DHX33: variants seen among roughly 807,000 people sequenced by gnomAD.
The protein encoded by DHX33 is DEAH-box helicase 33.
DHX33 carries 42 observed loss-of-function variants against 72.5 expected under a neutral mutation model. The ratio of observed to expected loss-of-function variants is 0.58; its 90% confidence interval spans 0.45 to 0.75. DHX33 has a LOEUF of 0.75. Among genes scored for constraint, DHX33 ranks in the 30% least tolerant of loss-of-function variants. DHX33 has a pLI of 0.00. For missense variants in DHX33, 842 were observed against 917.5 expected (o/e 0.92, Z 1.06); for synonymous variants, 358 against 366.1 (o/e 0.98, Z 0.25).
At chr17:5,452,634 C>T (rs148671383) in intron 8 of DHX33, among the ~76,000 whole-genome samples, 1,568 of 152,306 alleles carry the variant, frequency 0.01, 12 homozygotes, top group Middle Eastern at 0.054. Flanking sequence ...GGGAGAATCA[C>T]CTGAGCCCGG....
chr17:5,463,946 G>T (rs991030529), intron 1 of DHX33, among the ~76,000 whole-genome samples: 4 of 152,096 alleles, frequency 2.6e-5, no homozygotes, highest in Non-Finnish European at 5.9e-5. Flanking sequence ...AGGCCCAGGA[G>T]TTCAAGGTTA....
Position 5,441,155 on chromosome 17 carries a change from AGGCAGTTCCT to A in DHX33, c.*3040_*3049del, listed in dbSNP as rs71726215. 66,128 of 151,546 alleles carry A rather than the reference AGGCAGTTCCT, an allele frequency of 0.44. 16,030 individuals carry two copies. The highest frequency in any genetic ancestry group is 0.96 in the East Asian group (4,954 of 5,134). The allele number at this position is 151,546 out of a possible 1,614,324, so 9.4% of individuals were successfully genotyped here. On this transcript the variant is annotated 3_prime_UTR_variant, in exon 12 of 12. Coordinates refer to ENST00000225296, the MANE Select transcript of DHX33 (RefSeq NM_020162.4). The stretch of plus-strand genomic sequence containing the variant: ...AAAAAAAATGCATGGCCACAGTTCC[AGGCAGTTCCT>A]GGTAGCTGGATTTAGTGGATTTATA...
At chr17:5,445,128 G>C (rs1436325627) in intron 11 of DHX33, among the ~76,000 whole-genome samples, 1 of 151,486 alleles carries the variant, frequency 6.6e-6, no homozygotes, top group Admixed American at 6.6e-5. Flanking sequence ...ACCCAGGCTG[G>C]AGTGCAATGG....
At position 5,461,037 on chromosome 17, in the gene DHX33, G is replaced by C; in HGVS notation, c.751C>G (p.Leu251Val). Residue 251 changes from leucine (L) to valine (V), a missense_variant, in exon 4 of 12, where the codon CTA (leucine) becomes GTA (valine). Leu to Val is a conservative substitution (Grantham distance 32). Coordinates refer to ENST00000225296, the MANE Select transcript of DHX33 (RefSeq NM_020162.4). ...TGGATCGGATGCTGCCGACCCTCTA[G>C]GTAGAGGACGGGGGCGCCATTGAAA... ...QYFNGAPVLY[L>V]EGRQHPIQVF... is the part of the protein sequence containing the mutation. 1 of 1,613,648 alleles carries C rather than the reference G, an allele frequency of 6.2e-7. No homozygotes were observed. The highest frequency in any genetic ancestry group is 8.5e-7 in the Non-Finnish European group (1 of 1,179,788).
intron 4 of DHX33, among the ~76,000 whole-genome samples, chr17:5,457,182 C>T (rs1050078745): frequency 6.6e-6 from 1 of 152,174 alleles, no homozygotes; most frequent in Non-Finnish European, 1.5e-5. Flanking sequence ...GTGGCGCACG[C>T]CTGTAATCCC....
At chr17:5,458,155 C>T (rs916683636) in intron 4 of DHX33, among the ~76,000 whole-genome samples, 2 of 152,072 alleles carry the variant, frequency 1.3e-5, no homozygotes, top group African/African-American at 4.8e-5. Flanking sequence ...CCATGGGTCT[C>T]ACCACGGGAA....
chr17:5,460,328 A>G (rs893164500), intron 4 of DHX33, among the ~76,000 whole-genome samples: 1 of 151,672 alleles, frequency 6.6e-6, no homozygotes, highest in Non-Finnish European at 1.5e-5. Flanking sequence ...GTACTTCTTA[A>G]TGGCGGTTAT....
rs756047979 is a variant in DHX33 at position 5,455,168 on chromosome 17, T to C, written c.1139A>G (p.Tyr380Cys). The C allele has an allele frequency of 6.2e-7, 1 of 1,613,378 alleles. No homozygotes were observed. ...VDTGMVKAKK[Y>C]NPDSGLEVLA... Reference sequence around the variant, plus strand: ...GAACTACAAATTCTCACCAGGGTTATACTTCTTTGCTTTAACCATGCCCGT... The same window carrying C: ...GAACTACAAATTCTCACCAGGGTTACACTTCTTTGCTTTAACCATGCCCGT... Residue 380 changes from tyrosine to cysteine, a missense_variant, in exon 6 of 12, where the codon TAT becomes TGT. Tyr to Cys is a radical substitution (Grantham distance 194). Transcript: ENST00000225296.
At chr17:5,451,018 T>TA (rs1260349534) in intron 8 of DHX33, 84 bp from the exon 9 acceptor site, 8 of 1,520,102 alleles carry the variant, frequency 5.3e-6, no homozygotes, top group African/African-American at 2.8e-5. Context: ...GAGCTTCTGA[T>TA]AATTCTACAT....
At chr17:5,456,333 G>A in intron 4 of DHX33, 151 bp from the exon 5 acceptor site, 1 of 882,022 alleles carries the variant, frequency 1.1e-6, no homozygotes, top group Non-Finnish European at 1.7e-6. Context: ...AGCTTGGAGA[G>A]AACCCTTACC....
At chr17:5,459,157 C>T (rs1273565511) in intron 4 of DHX33, among the ~76,000 whole-genome samples, 1 of 152,076 alleles carries the variant, frequency 6.6e-6, no homozygotes, top group African/African-American at 2.4e-5. Flanking sequence ...TGTGATTATG[C>T]CACTGCACTC....
At position 5,461,079 on chromosome 17, in the gene DHX33, C is replaced by T. The variant is rs1352736705; in HGVS notation, c.709G>A (p.Asp237Asn). Reference protein sequence around the residue: ...VIVMSATMDVDLFSQYFNGAP... With the variant: ...VIVMSATMDVNLFSQYFNGAP... ...CCATTGAAATACTGAGAGAACAGGTCCACATCCATCGTAGCTGACATCACA... is the reference window on the plus strand; with the variant it reads ...CCATTGAAATACTGAGAGAACAGGTTCACATCCATCGTAGCTGACATCACA... Residue 237 changes from aspartate to asparagine, a missense_variant, in exon 4 of 12, where the codon GAC (aspartate) becomes AAC (asparagine). By Grantham distance (23) the Asp-to-Asn change is conservative. Coordinates refer to ENST00000225296, the MANE Select transcript of DHX33 (RefSeq NM_020162.4). 1 of 1,611,914 alleles carries T rather than the reference C, an allele frequency of 6.2e-7. No homozygotes were observed. Among genetic ancestry groups the T allele is most frequent in the African/African-American group, 1.3e-5 (1 of 74,920 alleles).
Position 5,451,574 on chromosome 17 carries a change from T to C in DHX33, c.1397-640A>G, listed in dbSNP as rs1029168928. Among the ~76,000 whole-genome samples, 3 of 152,110 alleles carry C rather than the reference T, an allele frequency of 2.0e-5. No homozygotes were observed. The South Asian group carries it at 6.2e-4, about 32-fold the overall frequency. ...AGAACCAAACACATAACAGTGGAAA[T>C]AGCAGTTGTCTCAGGGGCCAGCTGG... is the stretch of plus-strand genomic sequence containing the variant. On this transcript the variant is annotated intron_variant, in intron 8 of 11. Transcript: ENST00000225296.
In DHX33 at chr17:5,468,962, TGGCGGCTCC is replaced by T; in HGVS notation, c.-112_-104del. 2.0e-6 allele frequency: 2 copies of T among 1,012,760 alleles called. No individual in the cohort carries two copies. Among genetic ancestry groups the T allele is most frequent in the South Asian group, 1.4e-5 (1 of 69,010 alleles). 62.7% of individuals were successfully genotyped at this position (1,012,760 alleles called of 1,614,324 possible). ...CCGCCCCTTCCTCGCCGCCACGTGC[TGGCGGCTCC>T]CGGCGACCACCGATGACCTCACGGC... On this transcript the variant is annotated 5_prime_UTR_variant, in exon 1 of 12. Transcript: ENST00000225296.
chr17:5,463,007 A>G (rs945627995), intron 2 of DHX33, among the ~76,000 whole-genome samples: 1 of 152,040 alleles, frequency 6.6e-6, no homozygotes, highest in Non-Finnish European at 1.5e-5. Flanking sequence ...GCTTGGTTGG[A>G]GGCGGAAGTT....
At chr17:5,448,072 G>A (rs1231768855) in intron 11 of DHX33, among the ~76,000 whole-genome samples, 1 of 152,128 alleles carries the variant, frequency 6.6e-6, no homozygotes, top group Admixed American at 6.5e-5. Context: ...CCAGCTACTC[G>A]GGAGGCTGAG....
At chr17:5,448,039 C>T (rs1192139302) in intron 11 of DHX33, among the ~76,000 whole-genome samples, 1 of 151,698 alleles carries the variant, frequency 6.6e-6, no homozygotes. Flanking sequence ...ATTAGCCAGG[C>T]GTGGTGACGC....
At chr17:5,453,735 T>C in intron 7 of DHX33, 67 bp from the exon 8 acceptor site, 3 of 1,612,138 alleles carry the variant, frequency 1.9e-6, no homozygotes, top group Non-Finnish European at 2.5e-6. Context: ...CCCCTCATGG[T>C]GGAGTGTGAG....
At chr17:5,462,171 C>G in intron 3 of DHX33, 148 bp downstream of exon 3, 1 of 650,862 alleles carries the variant, frequency 1.5e-6, no homozygotes, top group Admixed American at 2.9e-5. Flanking sequence ...AACTCCTGAC[C>G]TCAGGTGATC....
Sources: allele counts gnomAD v4.1 joint callset (sites outside exome capture counted in the v4.1 genomes callset), GRCh38; gene constraint gnomAD v4.1.1; transcripts MANE v1.5; gene names NCBI Gene and HGNC (gene_info 2026-07-23, HGNC 2026-07-21).